Variants in PRKCB observed in about 807,000 individuals in gnomAD.
PRKCB encodes the protein protein kinase C beta, also known as protein kinase C beta type.
In PRKCB, 13 loss-of-function variants were observed where a neutral mutation model predicts 81.5. That is an observed-to-expected ratio of 0.16 (90% CI 0.10 to 0.25). The LOEUF (loss-of-function observed/expected upper bound fraction) is 0.25. Ranked by LOEUF, PRKCB falls within the 10% of genes least tolerant of loss-of-function variation. The pLI, the probability that PRKCB is intolerant of heterozygous loss-of-function variation, is 1.00. For missense variants in PRKCB, 509 were observed against 875.7 expected (o/e 0.58, Z 5.29); for synonymous variants, 335 against 321.4 (o/e 1.04, Z -0.45).
intron 3 of PRKCB, among the ~76,000 whole-genome samples, chr16:24,025,091 G>A (rs776755294): frequency 1.3e-4 from 20 of 152,188 alleles, no homozygotes; most frequent in Non-Finnish European, 2.6e-4. Context: ...TAAATAAGCC[G>A]TAAGAAGTCA....
chr16:23,893,621 C>G (rs1176098427), intron 2 of PRKCB: 1 of 152,184 alleles, frequency 6.6e-6, no homozygotes, highest in Non-Finnish European at 1.5e-5. Context: ...CAGTATTTTC[C>G]CATGCATATA....
intron 16 of PRKCB, among the ~76,000 whole-genome samples, chr16:24,192,087 CGTTGTAAGG>C (rs1967802393): frequency 6.6e-6 from 1 of 152,120 alleles, no homozygotes; most frequent in South Asian, 2.1e-4. Context: ...TGAAACCTAA[CGTTGTAAGG>C]GTTTGAGTGT....
At chr16:23,964,034 A>G (rs1386387514) in intron 2 of PRKCB, among the ~76,000 whole-genome samples, 1 of 152,204 alleles carries the variant, frequency 6.6e-6, no homozygotes, top group Non-Finnish European at 1.5e-5. Context: ...TGCGGGGATT[A>G]AATGAGGTAT....
chr16:24,191,247 C>A lies in PRKCB; in HGVS notation c.1863+17C>A. ...CCAAAAGCTGTAAGTAGCCCATTCT[C>A]TCTGACTGCCGGGTATTCACACACA... On this transcript the variant is annotated intron_variant, in intron 16 of 16. Coordinates refer to ENST00000643927, the MANE Select transcript of PRKCB (RefSeq NM_002738.7). 1 of 1,613,582 alleles carries A rather than the reference C, an allele frequency of 6.2e-7. No individual in the cohort carries two copies. Among genetic ancestry groups the A allele is most frequent in the South Asian group, 1.1e-5 (1 of 91,038 alleles).
intron 6 of PRKCB, among the ~76,000 whole-genome samples, chr16:24,093,166 T>C (rs1323216080): frequency 2.6e-5 from 4 of 152,196 alleles, no homozygotes; most frequent in Non-Finnish European, 5.9e-5. Flanking sequence ...ATTTTTTTAA[T>C]AGAGATGAGA....
chr16:24,118,357 G>A (rs1330695601), intron 8 of PRKCB, among the ~76,000 whole-genome samples: 1 of 152,262 alleles, frequency 6.6e-6, no homozygotes, highest in Admixed American at 6.5e-5. Flanking sequence ...CATGGTGGTT[G>A]TTATAATTAT....
chr16:24,139,890 A>G (rs1381626621), intron 9 of PRKCB, among the ~76,000 whole-genome samples: 1 of 152,244 alleles, frequency 6.6e-6, no homozygotes, highest in African/African-American at 2.4e-5. Context: ...GTATTCGAAA[A>G]GTGCTGCAGT....
rs568449920 is a variant in PRKCB, at chr16:24,063,879, G to A, written c.529+28332G>A. Among the ~76,000 whole-genome samples, 43 of 152,280 alleles carry A rather than the reference G, an allele frequency of 2.8e-4. No homozygotes were observed. In the South Asian group the frequency reaches 6.6e-3, roughly 24 times the overall value. ...AAAGCTAATAGCCTCCTGAATGCCC[G>A]TTTTTGAAGGCTGAACATGTTGTAG... On this transcript the variant is annotated intron_variant, in intron 5 of 16. Coordinates refer to ENST00000643927, the MANE Select transcript of PRKCB (RefSeq NM_002738.7).
At chr16:23,875,467 CT>C (rs1295185864) in intron 2 of PRKCB, among the ~76,000 whole-genome samples, 2 of 93,464 alleles carry the variant, frequency 2.1e-5, no homozygotes, top group Non-Finnish European at 4.1e-5. Context: ...ACATGTTTTG[CT>C]TCAACTAAAA....
intron 3 of PRKCB, among the ~76,000 whole-genome samples, chr16:24,024,511 T>C (rs1387282105): frequency 1.3e-5 from 2 of 152,278 alleles, no homozygotes; most frequent in Non-Finnish European, 2.9e-5. Context: ...AGGTGATGGA[T>C]ATGTTAATTT....
chr16:23,944,269 C>CA (rs1346212015), intron 2 of PRKCB, among the ~76,000 whole-genome samples: 1 of 152,170 alleles, frequency 6.6e-6, no homozygotes, highest in African/African-American at 2.4e-5. Context: ...TCCATTGCCT[C>CA]AAAGTCTATA....
chr16:24,160,953 C>T lies in PRKCB; in HGVS notation c.1239+6096C>T, dbSNP rs1385752461. Among the ~76,000 whole-genome samples, 3 of 152,088 alleles carry T rather than the reference C, an allele frequency of 2.0e-5. No homozygotes were observed. In the East Asian group the frequency reaches 5.8e-4, roughly 29 times the overall value. On this transcript the variant is annotated intron_variant, in intron 10 of 16. Transcript: ENST00000643927. ...AGGAACAGCGAGGAGGCCGGTGTCG[C>T]CCCGGTGGATTGTCATTTTGTATTT...
At chr16:23,870,652 C>T (rs1962887643) in intron 2 of PRKCB, among the ~76,000 whole-genome samples, 1 of 152,148 alleles carries the variant, frequency 6.6e-6, no homozygotes, top group African/African-American at 2.4e-5. Context: ...AGCCTGGGGC[C>T]ACATCAGGAC....
At chr16:24,106,252 C>A (rs187077889) in intron 7 of PRKCB, among the ~76,000 whole-genome samples, 1 of 152,146 alleles carries the variant, frequency 6.6e-6, no homozygotes, top group Non-Finnish European at 1.5e-5. Context: ...AGATAATAGT[C>A]GTAATTATGT....
chr16:24,159,274 A>G (rs1036833520), intron 10 of PRKCB, among the ~76,000 whole-genome samples: 4 of 152,226 alleles, frequency 2.6e-5, no homozygotes, highest in African/African-American at 9.6e-5. Context: ...AAGGATTGAG[A>G]ATCAGGGCTG....
intron 9 of PRKCB, among the ~76,000 whole-genome samples, chr16:24,144,569 G>A (rs371845640): frequency 3.6e-4 from 55 of 152,280 alleles, no homozygotes; most frequent in African/African-American, 1.1e-3. Flanking sequence ...CCAAAGTGCC[G>A]GGATTACAGG....
intron 2 of PRKCB, among the ~76,000 whole-genome samples, chr16:23,986,068 T>A (rs941663132): frequency 6.6e-6 from 1 of 152,070 alleles, no homozygotes; most frequent in African/African-American, 2.4e-5. Flanking sequence ...AAATTAGACA[T>A]GGATCAAAGA....
chr16:23,917,824 A>G (rs1052877665), intron 2 of PRKCB, among the ~76,000 whole-genome samples: 27 of 152,292 alleles, frequency 1.8e-4, no homozygotes, highest in Admixed American at 1.6e-3. Flanking sequence ...AGGGTAAGTG[A>G]TCTCGTAAAG....
At chr16:24,188,730 A>G (rs1273900317) in intron 15 of PRKCB, among the ~76,000 whole-genome samples, 1 of 152,220 alleles carries the variant, frequency 6.6e-6, no homozygotes, top group Non-Finnish European at 1.5e-5. Context: ...ACATAAAGCT[A>G]TAAGAGTCCT....
Sources: gnomAD v4.1 joint callset for allele counts (sites outside exome capture counted in the v4.1 genomes callset) on GRCh38, gnomAD v4.1.1 for gene constraint, MANE v1.5 for transcripts, NCBI Gene and HGNC (gene_info 2026-07-23, HGNC 2026-07-21) for gene names.